Variants in CNTNAP5 observed in about 807,000 individuals in gnomAD.
The protein encoded by CNTNAP5 is contactin associated protein family member 5, also known as contactin-associated protein-like 5.
A neutral mutation model predicts 150.2 loss-of-function variants in CNTNAP5; 72 were observed. The ratio of observed to expected loss-of-function variants is 0.48; its 90% CI spans 0.40 to 0.58. The LOEUF (loss-of-function observed/expected upper bound fraction) is 0.58. Ranked by LOEUF, CNTNAP5 falls within the 20% of genes least tolerant of loss-of-function variation. The probability of loss-of-function intolerance (pLI) is 0.00; values close to 1 mark genes in which losing one functional copy is unlikely to be tolerated. For missense variants in CNTNAP5, 1,636 were observed against 1,626.2 expected (o/e 1.01, Z -0.10); for synonymous variants, 672 against 619.8 (o/e 1.08, Z -1.25).
intron 3 of CNTNAP5, among the ~76,000 whole-genome samples, chr2:124,391,282 A>C (rs1691103065): frequency 6.6e-6 from 1 of 152,320 alleles, no homozygotes; most frequent in African/African-American, 2.4e-5. Flanking sequence ...TCTTTGAGAA[A>C]TTTTAGATTT....
At chr2:124,538,929 C>G (rs1010777274) in intron 10 of CNTNAP5, among the ~76,000 whole-genome samples, 1 of 152,208 alleles carries the variant, frequency 6.6e-6, no homozygotes, top group African/African-American at 2.4e-5. Context: ...TTCTCATGTT[C>G]TCTAAAGAGC....
At chr2:124,419,151 A>AAAAAAAAAAAAAAAAAC (rs1324145179) in intron 4 of CNTNAP5, among the ~76,000 whole-genome samples, 2 of 141,504 alleles carry the variant, frequency 1.4e-5, no homozygotes, top group Non-Finnish European at 3.1e-5. Flanking sequence ...AAAAAAAAAA[A>AAAAAAAAAAAAAAAAAC]AAAAAAAAAA....
At chr2:124,624,967 G>T (rs1024994878) in intron 12 of CNTNAP5, among the ~76,000 whole-genome samples, 1 of 152,184 alleles carries the variant, frequency 6.6e-6, no homozygotes, top group African/African-American at 2.4e-5. Flanking sequence ...ACCATCTGGA[G>T]AGACTAAGCA....
chr2:124,378,282 TG>T (rs754611533), intron 3 of CNTNAP5, among the ~76,000 whole-genome samples: 4 of 151,936 alleles, frequency 2.6e-5, no homozygotes, highest in Non-Finnish European at 5.9e-5. Flanking sequence ...AAAAAAAACA[TG>T]CTTTTTTAAA....
At chr2:124,304,682 A>C (rs549569814) in intron 3 of CNTNAP5, among the ~76,000 whole-genome samples, 89 of 152,318 alleles carry the variant, frequency 5.8e-4, no homozygotes, top group Non-Finnish European at 1.0e-3. Flanking sequence ...GGAGGAAACT[A>C]GTAGCCATCA....
chr2:124,894,615 C>T (rs1421576113), intron 21 of CNTNAP5, among the ~76,000 whole-genome samples: 4 of 150,370 alleles, frequency 2.7e-5, no homozygotes, highest in African/African-American at 9.9e-5. Flanking sequence ...ATGCAATGGC[C>T]TGACGATGGC....
chr2:124,550,630 G>A (rs1482797714), intron 10 of CNTNAP5, among the ~76,000 whole-genome samples: 3 of 152,050 alleles, frequency 2.0e-5, no homozygotes, highest in Non-Finnish European at 4.4e-5. Flanking sequence ...ATGTGAGGTG[G>A]ACTAACCCAA....
chr2:124,318,110 G>A (rs574103100), intron 3 of CNTNAP5, among the ~76,000 whole-genome samples: 1 of 152,300 alleles, frequency 6.6e-6, no homozygotes, highest in South Asian at 2.1e-4. Flanking sequence ...GGAGAGGAAA[G>A]GAGTTGCAGT....
intron 13 of CNTNAP5, among the ~76,000 whole-genome samples, chr2:124,716,886 C>G (rs116232139): frequency 6.6e-6 from 1 of 152,024 alleles, no homozygotes; most frequent in African/African-American, 2.4e-5. Context: ...ATCATCCTGC[C>G]ATAACATCGG....
chr2:124,528,648 C>T (rs1695032754), intron 10 of CNTNAP5, among the ~76,000 whole-genome samples: 1 of 152,032 alleles, frequency 6.6e-6, no homozygotes, highest in Non-Finnish European at 1.5e-5. Flanking sequence ...GATGGTAGGC[C>T]ACTGTGGATT....
chr2:124,729,525 A>G (rs1680226474), intron 13 of CNTNAP5, among the ~76,000 whole-genome samples: 1 of 152,090 alleles, frequency 6.6e-6, no homozygotes, highest in African/African-American at 2.4e-5. Context: ...AAATACAGTC[A>G]AACGCTAATT....
chr2:124,095,870 A>G (rs1204077665), intron 1 of CNTNAP5, among the ~76,000 whole-genome samples: 4 of 152,116 alleles, frequency 2.6e-5, no homozygotes, highest in Non-Finnish European at 4.4e-5. Flanking sequence ...TCTTTAGTTA[A>G]TCTTTAACAC....
At chr2:124,225,479 T>C (rs1170612) in intron 2 of CNTNAP5, among the ~76,000 whole-genome samples, 119,319 of 152,118 alleles carry the variant, frequency 0.78, 47,039 homozygotes, top group East Asian at 1. Context: ...TCCCTCCCTC[T>C]TATGTGATTG....
At chr2:124,181,659 G>T (rs1379579921) in intron 1 of CNTNAP5, among the ~76,000 whole-genome samples, 2 of 152,114 alleles carry the variant, frequency 1.3e-5, no homozygotes, top group Non-Finnish European at 2.9e-5. Context: ...TTCACTGTAT[G>T]TATGTACTTG....
At chr2:124,495,053 A>T (rs1694114361) in intron 7 of CNTNAP5, among the ~76,000 whole-genome samples, 1 of 152,150 alleles carries the variant, frequency 6.6e-6, no homozygotes, top group African/African-American at 2.4e-5. Flanking sequence ...ACATATTTAT[A>T]TGGGTATATT....
rs1323763828 is a variant in CNTNAP5 at position 124,919,301 on chromosome 2, A to G, written c.*5013A>G. Among the ~76,000 whole-genome samples, 1 of 152,052 alleles carries G rather than the reference A, an allele frequency of 6.6e-6. No homozygotes were observed. Among genetic ancestry groups the G allele is most frequent in the East Asian group, 1.9e-4 (1 of 5,176 alleles). ...ATAATTAACCGGTTTGCTATTTTTCAGTGATTATTTTATCTTATTTTGCAC... is the reference window on the plus strand; with the variant it reads ...ATAATTAACCGGTTTGCTATTTTTCGGTGATTATTTTATCTTATTTTGCAC... On this transcript the variant is annotated 3_prime_UTR_variant, in exon 24 of 24. Transcript: ENST00000682447.
At chr2:124,356,656 A>G (rs568257935) in intron 3 of CNTNAP5, among the ~76,000 whole-genome samples, 5 of 152,168 alleles carry the variant, frequency 3.3e-5, no homozygotes, top group Middle Eastern at 6.8e-3. Context: ...TTATGGCTGC[A>G]TAGTATTCCA....
chr2:124,647,706 T>C (rs1284228733), intron 12 of CNTNAP5, 52 bp from the exon 13 acceptor site: 1 of 1,508,724 alleles, frequency 6.6e-7, no homozygotes, highest in Admixed American at 2.0e-5. Flanking sequence ...ACATGCTCCA[T>C]TTTTGACATT....
chr2:124,661,746 G>C (rs1026190340), intron 13 of CNTNAP5, among the ~76,000 whole-genome samples: 2 of 152,068 alleles, frequency 1.3e-5, no homozygotes, highest in African/African-American at 2.4e-5. Flanking sequence ...ACACCAGTAT[G>C]TACACATTAG....
Sources: allele counts gnomAD v4.1 joint callset (sites outside exome capture counted in the v4.1 genomes callset), GRCh38; gene constraint gnomAD v4.1.1; transcripts MANE v1.5; gene names NCBI Gene and HGNC (gene_info 2026-07-23, HGNC 2026-07-21).